Variants in SYT17 observed in about 807,000 individuals in gnomAD.
SYT17 encodes synaptotagmin-17.
In SYT17, 22 loss-of-function variants were observed where a neutral mutation model predicts 46.7. The ratio of observed to expected loss-of-function variants is 0.47; its 90% CI spans 0.34 to 0.67. The LOEUF is 0.67. Ranked by LOEUF, SYT17 falls within the 30% of genes least tolerant of loss-of-function variation. SYT17 has a pLI of 0.01. For synonymous variants in SYT17, 251 were observed against 248.4 expected (o/e 1.01, Z -0.10); for missense variants, 519 against 612.8 (o/e 0.85, Z 1.62).
Position 19,183,286 on chromosome 16 carries a change from T to C in SYT17, c.332-242T>C, listed in dbSNP as rs1964629339. Among the ~76,000 whole-genome samples, 1 of 152,210 alleles carries C rather than the reference T, an allele frequency of 6.6e-6. No individual in the cohort carries two copies. Among genetic ancestry groups the C allele is most frequent in the South Asian group, 2.1e-4 (1 of 4,830 alleles). ...GAAGATTGTGATTGCACATATGCGA[T>C]GATGTAGTGTACACAGTCCATTAGA... On this transcript the variant is annotated intron_variant, in intron 4 of 7. Transcript: ENST00000355377. The surrounding 1 kb of genome is among the most constrained non-coding windows in gnomAD (Gnocchi z 5.6).
intron 6 of SYT17, among the ~76,000 whole-genome samples, chr16:19,223,954 G>A (rs1966412950): frequency 6.6e-6 from 1 of 152,136 alleles, no homozygotes; most frequent in Non-Finnish European, 1.5e-5. Context: ...AAATGATGTG[G>A]CTTTAGGGAA....
At chr16:19,175,273 C>A (rs1057279635) in intron 3 of SYT17, among the ~76,000 whole-genome samples, 9 of 152,170 alleles carry the variant, frequency 5.9e-5, no homozygotes, top group Admixed American at 3.3e-4. Flanking sequence ...AAGAACTCTT[C>A]CATTATTCAT....
intron 5 of SYT17, among the ~76,000 whole-genome samples, chr16:19,203,420 C>T (rs1408055729): frequency 6.6e-6 from 1 of 152,094 alleles, no homozygotes; most frequent in Non-Finnish European, 1.5e-5. Flanking sequence ...TCGCTTGAGC[C>T]TGCACCATCA....
chr16:19,245,633 G>T (rs187449101), intron 7 of SYT17, among the ~76,000 whole-genome samples: 1 of 152,314 alleles, frequency 6.6e-6, no homozygotes. Flanking sequence ...CATGCTGAGT[G>T]AGTCCACGCT....
At chr16:19,197,111 C>G (rs1017147978) in intron 5 of SYT17, among the ~76,000 whole-genome samples, 1 of 152,228 alleles carries the variant, frequency 6.6e-6, no homozygotes, top group African/African-American at 2.4e-5. Context: ...CTTTAACTTG[C>G]CCTGAGCTGC....
intron 1 of SYT17, chr16:19,172,500 C>T (rs1321023722): frequency 1.3e-5 from 19 of 1,484,608 alleles, no homozygotes; most frequent in South Asian, 5.4e-5. Context: ...CAAATCAAAT[C>T]GAAATGCTAA....
At position 19,191,042 on chromosome 16, in the gene SYT17, G is replaced by A. The variant is rs114834850; in HGVS notation, c.951+6895G>A. On this transcript the variant is annotated intron_variant, in intron 5 of 7. Transcript: ENST00000355377. ...GTTTGGGGAAGGAAGAACAAGGGCA[G>A]TGGAGAGATTAGATGCCCCGTGGCC... Among the ~76,000 whole-genome samples, 856 of 152,186 alleles carry A rather than the reference G, an allele frequency of 5.6e-3. 6 individuals carry two copies. Among genetic ancestry groups the A allele is most frequent in the African/African-American group, 0.02 (818 of 41,518 alleles).
At chr16:19,190,006 G>A (rs1246156211) in intron 5 of SYT17, among the ~76,000 whole-genome samples, 4 of 152,172 alleles carry the variant, frequency 2.6e-5, no homozygotes, top group Non-Finnish European at 5.9e-5. Context: ...CATTTTTGGG[G>A]TCTCAGTGAT....
At chr16:19,198,609 A>G (rs1965345040) in intron 5 of SYT17, among the ~76,000 whole-genome samples, 1 of 152,232 alleles carries the variant, frequency 6.6e-6, no homozygotes, top group Non-Finnish European at 1.5e-5. Flanking sequence ...ACCCAAGGCC[A>G]TGAAGTTAGT....
intron 5 of SYT17, among the ~76,000 whole-genome samples, chr16:19,218,708 C>T (rs759826312): frequency 2.5e-4 from 38 of 152,194 alleles, no homozygotes; most frequent in Non-Finnish European, 7.4e-5. Flanking sequence ...CCACCTCCTT[C>T]CAGTTCTGTG....
rs762281591 is a variant in SYT17 at position 19,266,989 on chromosome 16, G to T, written c.1338G>T (p.Thr446=). The T allele has an allele frequency of 3.1e-6, 5 of 1,613,422 alleles. No individual in the cohort carries two copies. Among genetic ancestry groups the T allele is most frequent in the Admixed American group, 1.7e-5 (1 of 59,912 alleles). The stretch of plus-strand genomic sequence containing the variant: ...ACCACTGGAGGCGCATGCTCAACAC[G>T]CACCGCACAGCCGTGGAGCAGTGGC... ...ETNHWRRMLN[T]HRTAVEQWHS... The change falls in exon 8 of 8, where the codon ACG becomes ACT. Residue 446 remains threonine, a synonymous_variant. Coordinates refer to ENST00000355377, the MANE Select transcript of SYT17 (RefSeq NM_016524.4).
intron 5 of SYT17, among the ~76,000 whole-genome samples, chr16:19,222,471 C>T (rs188114775): frequency 5.3e-4 from 80 of 152,180 alleles, no homozygotes; most frequent in Non-Finnish European, 9.4e-4. Flanking sequence ...GTGTTGCTAT[C>T]GTGAGGTTAG....
chr16:19,200,733 C>T (rs548048426), intron 5 of SYT17, among the ~76,000 whole-genome samples: 17 of 152,248 alleles, frequency 1.1e-4, no homozygotes, highest in African/African-American at 3.4e-4. Flanking sequence ...AGAAGGTGTT[C>T]GATCTTGACT....
intron 7 of SYT17, among the ~76,000 whole-genome samples, chr16:19,252,995 G>A (rs552297157): frequency 2.3e-4 from 35 of 152,262 alleles, no homozygotes; most frequent in African/African-American, 7.2e-4. Flanking sequence ...TTGAGAATTC[G>A]CATTTCTAAC....
intron 7 of SYT17, among the ~76,000 whole-genome samples, chr16:19,243,819 CAAAAAAAAAAAAAAA>C (rs760219447): frequency 5.8e-4 from 33 of 56,920 alleles, no homozygotes; most frequent in Non-Finnish European, 9.0e-4. Flanking sequence ...AAAACTCCAT[CAAAAAAAAAAAAAAA>C]AAAAAAAAAA....
rs991409229 is a variant in SYT17 at position 19,173,764 on chromosome 16, G to A, written c.182+186G>A. Among the ~76,000 whole-genome samples the A allele has an allele frequency of 3.9e-5, 6 of 152,102 alleles. No individual in the cohort carries two copies. In the South Asian group the frequency reaches 6.2e-4, roughly 16 times the overall value. Reference sequence around the variant, plus strand: ...ATGTTCTGTACCCCTCATTTTGTTCGGCAAGCTGGCGAGACCAGCTGGTGG... The same window carrying A: ...ATGTTCTGTACCCCTCATTTTGTTCAGCAAGCTGGCGAGACCAGCTGGTGG... On this transcript the variant is annotated intron_variant, in intron 3 of 7. Transcript: ENST00000355377.
At chr16:19,197,233 G>A (rs1380354822) in intron 5 of SYT17, among the ~76,000 whole-genome samples, 1 of 152,232 alleles carries the variant, frequency 6.6e-6, no homozygotes, top group East Asian at 1.9e-4. Flanking sequence ...TGTGGCCAGA[G>A]CTGGGCCCAG....
intron 7 of SYT17, among the ~76,000 whole-genome samples, chr16:19,250,963 G>A (rs1182226907): frequency 6.6e-6 from 1 of 152,060 alleles, no homozygotes; most frequent in Non-Finnish European, 1.5e-5. Flanking sequence ...ATGTAAATGG[G>A]ATCACACCCC....
rs989539930 is a variant in SYT17 at position 19,183,407 on chromosome 16, A to C, written c.332-121A>C. 1 of 1,363,020 alleles carries C rather than the reference A, an allele frequency of 7.3e-7. No individual in the cohort carries two copies. The highest frequency in any genetic ancestry group is 1.0e-6 in the Non-Finnish European group (1 of 999,100). 84.4% of individuals were successfully genotyped at this position (1,363,020 alleles called of 1,614,324 possible). ...AATCAGTGAGTATTTCAGAGTGTGG[A>C]GAAAGATGGCAAAGGTCATTCTGAA... is the stretch of plus-strand genomic sequence containing the variant. On this transcript the variant is annotated intron_variant, in intron 4 of 7. Transcript: ENST00000355377. The surrounding 1 kb of genome is among the most constrained non-coding windows in gnomAD (Gnocchi z 5.6).
Sources: allele counts gnomAD v4.1 joint callset (sites outside exome capture counted in the v4.1 genomes callset), GRCh38; gene constraint gnomAD v4.1.1; non-coding constraint Gnocchi (gnomAD v3.1); transcripts MANE v1.5; gene names NCBI Gene and HGNC (gene_info 2026-07-23, HGNC 2026-07-21).